MDGA2: variants seen among roughly 807,000 people sequenced by gnomAD.
The protein encoded by MDGA2 is MAM domain-containing glycosylphosphatidylinositol anchor protein 2.
In MDGA2, 40 loss-of-function variants were observed where a neutral mutation model predicts 117.8. The ratio of observed to expected loss-of-function variants is 0.34; its 90% CI spans 0.26 to 0.44. MDGA2 has a LOEUF of 0.44. Ranked by LOEUF, MDGA2 falls within the 20% of genes least tolerant of loss-of-function variation. The pLI, the probability that MDGA2 is intolerant of heterozygous loss-of-function variation, is 1.00. For missense variants in MDGA2, 1,123 were observed against 1,250.6 expected, an observed-to-expected ratio of 0.90 and a Z score of 1.54; for synonymous variants, 452 against 439.0, an observed-to-expected ratio of 1.03 and a Z score of -0.37.
chr14:46,956,179 C>G (rs919238949), intron 9 of MDGA2, among the ~76,000 whole-genome samples: 2 of 152,068 alleles, frequency 1.3e-5, no homozygotes, highest in African/African-American at 4.8e-5. Context: ...AAGTCTGGAA[C>G]ATTTTAATCA....
intron 1 of MDGA2, among the ~76,000 whole-genome samples, chr14:47,372,963 A>T (rs1333900365): frequency 2.0e-5 from 3 of 151,990 alleles, no homozygotes; most frequent in Admixed American, 6.6e-5. Context: ...TGATAAAAAA[A>T]ATTTGTATTG....
intron 15 of MDGA2, among the ~76,000 whole-genome samples, chr14:46,854,248 A>T (rs190740869): frequency 2.6e-5 from 4 of 151,800 alleles, no homozygotes; most frequent in Non-Finnish European, 4.4e-5. Context: ...ATAGATTTGA[A>T]TTCTTTTGAA....
intron 10 of MDGA2, among the ~76,000 whole-genome samples, chr14:46,888,091 G>T (rs963256657): frequency 6.6e-6 from 1 of 151,856 alleles, no homozygotes; most frequent in African/African-American, 2.4e-5. Flanking sequence ...AACTTCATAT[G>T]TGTATTAAAA....
intron 1 of MDGA2, among the ~76,000 whole-genome samples, chr14:47,656,368 TCACAGATCAGTTAGCTC>T (rs1025471798): frequency 3.9e-5 from 6 of 152,254 alleles, no homozygotes; most frequent in African/African-American, 1.4e-4. Context: ...CAAGACAGGT[TCACAGATCAGTTAGCTC>T]CACATGTGGT....
chr14:47,566,229 G>A (rs796721874), intron 1 of MDGA2, among the ~76,000 whole-genome samples: 4 of 152,316 alleles, frequency 2.6e-5, no homozygotes, highest in African/African-American at 9.6e-5. Context: ...AGAGCTCTCT[G>A]ATGGTAAGGT....
chr14:46,858,420 CTTTT>C (rs1290946615), intron 14 of MDGA2, among the ~76,000 whole-genome samples: 55 of 109,820 alleles, frequency 5.0e-4, no homozygotes, highest in African/African-American at 1.8e-3. Flanking sequence ...TTTTCTTTTT[CTTTT>C]TTTCTTTTTT....
intron 1 of MDGA2, among the ~76,000 whole-genome samples, chr14:47,645,719 G>A (rs1478741398): frequency 1.3e-5 from 2 of 151,830 alleles, no homozygotes; most frequent in Non-Finnish European, 1.5e-5. Context: ...ATCAAAAGAA[G>A]CTCTAACCAA....
intron 5 of MDGA2, among the ~76,000 whole-genome samples, chr14:47,115,126 G>A (rs772155138): frequency 2.0e-5 from 3 of 151,904 alleles, no homozygotes; most frequent in Non-Finnish European, 4.4e-5. Flanking sequence ...ATAAATAAAA[G>A]CATTCAAATT....
intron 2 of MDGA2, among the ~76,000 whole-genome samples, chr14:47,223,413 T>G (rs1277375667): frequency 6.6e-6 from 1 of 152,178 alleles, no homozygotes; most frequent in Non-Finnish European, 1.5e-5. Context: ...TAATGTTGGT[T>G]TGGGCTGTAT....
intron 6 of MDGA2, among the ~76,000 whole-genome samples, chr14:47,081,311 C>A (rs1890699700): frequency 6.6e-6 from 1 of 151,904 alleles, no homozygotes; most frequent in Non-Finnish European, 1.5e-5. Context: ...GAAACGGAAA[C>A]ACGAACAACT....
chr14:47,376,748 T>C (rs756877318), intron 1 of MDGA2, among the ~76,000 whole-genome samples: 4 of 152,100 alleles, frequency 2.6e-5, no homozygotes, highest in Non-Finnish European at 5.9e-5. Context: ...ATTAGTTACA[T>C]TGCAAAAGTT....
chr14:46,848,421 A>G (rs949624981), intron 15 of MDGA2, among the ~76,000 whole-genome samples: 3 of 151,958 alleles, frequency 2.0e-5, no homozygotes. Context: ...TAAAACATAC[A>G]TGTCGTCAAA....
intron 1 of MDGA2, among the ~76,000 whole-genome samples, chr14:47,424,155 T>G (rs749476687): frequency 6.6e-6 from 1 of 152,142 alleles, no homozygotes; most frequent in Non-Finnish European, 1.5e-5. Flanking sequence ...GCACGGTAGC[T>G]CACACCTATA....
At chr14:46,863,787 A>G (rs1213026879) in intron 14 of MDGA2, among the ~76,000 whole-genome samples, 8 of 152,272 alleles carry the variant, frequency 5.3e-5, no homozygotes, top group African/African-American at 1.9e-4. Flanking sequence ...AAAAAAAATG[A>G]GTTTAGAAGT....
At chr14:47,551,394 T>G (rs929126562) in intron 1 of MDGA2, among the ~76,000 whole-genome samples, 2 of 152,158 alleles carry the variant, frequency 1.3e-5, no homozygotes, top group Non-Finnish European at 2.9e-5. Flanking sequence ...AAAACATATC[T>G]ACTGCATGCA....
chr14:47,519,138 G>A (rs996092545), intron 1 of MDGA2, among the ~76,000 whole-genome samples: 3 of 151,806 alleles, frequency 2.0e-5, no homozygotes, highest in African/African-American at 7.3e-5. Context: ...CCGGGAGGCG[G>A]AGGTTGCAGT....
intron 8 of MDGA2, among the ~76,000 whole-genome samples, chr14:47,020,025 T>TA (rs1888230263): frequency 6.6e-6 from 1 of 152,160 alleles, no homozygotes; most frequent in Non-Finnish European, 1.5e-5. Flanking sequence ...GGGTCATACA[T>TA]ACATTTTATA....
chr14:47,027,016 T>C (rs1204264196), intron 8 of MDGA2, among the ~76,000 whole-genome samples: 4 of 151,580 alleles, frequency 2.6e-5, no homozygotes, highest in Non-Finnish European at 5.9e-5. Flanking sequence ...TTAAAAAAAA[T>C]GTAAAAATTA....
intron 8 of MDGA2, among the ~76,000 whole-genome samples, chr14:47,009,505 C>A (rs1887823337): frequency 6.6e-6 from 1 of 151,982 alleles, no homozygotes; most frequent in Non-Finnish European, 1.5e-5. Flanking sequence ...TCAGTATCCA[C>A]TTTTCTCTAA....
Sources: gnomAD v4.1 joint callset for allele counts (sites outside exome capture counted in the v4.1 genomes callset) on GRCh38, gnomAD v4.1.1 for gene constraint, MANE v1.5 for transcripts, NCBI Gene and HGNC (gene_info 2026-07-23, HGNC 2026-07-21) for gene names.